The following MKNK1 variants were observed in gnomAD, a reference collection of about 807,000 sequenced individuals.
MKNK1 encodes the protein MAP kinase-interacting serine/threonine-protein kinase 1.
In MKNK1, 30 loss-of-function variants were observed where a neutral mutation model predicts 49.3. That is an observed-to-expected ratio of 0.61 (90% CI 0.46 to 0.83). The LOEUF (loss-of-function observed/expected upper bound fraction) is 0.83. MKNK1 is among the 40% of genes least tolerant of loss of function. The probability of loss-of-function intolerance (pLI) is 0.00; values close to 1 mark genes in which losing one functional copy is unlikely to be tolerated. For missense variants in MKNK1, 423 were observed against 524.7 expected, an observed-to-expected ratio of 0.81 and a Z score of 1.89; for synonymous variants, 176 against 201.7, an observed-to-expected ratio of 0.87 and a Z score of 1.08.
intron 2 of MKNK1, among the ~76,000 whole-genome samples, chr1:46,588,986 GC>G (rs1183860524): frequency 2.0e-5 from 3 of 152,210 alleles, no homozygotes; most frequent in Non-Finnish European, 4.4e-5. Flanking sequence ...TAAGCAGAAG[GC>G]CTGGGCTGCC....
intron 10 of MKNK1, 111 bp from the exon 11 acceptor site, chr1:46,561,753 T>C (rs748407213): frequency 4.5e-5 from 56 of 1,256,548 alleles, no homozygotes; most frequent in Non-Finnish European, 6.0e-5. Flanking sequence ...CTGCAGCTCA[T>C]GGCTTGGGGA....
chr1:46,568,591 G>T (rs761142642), intron 7 of MKNK1, 93 bp from the exon 8 acceptor site: 1 of 1,219,974 alleles, frequency 8.2e-7, no homozygotes, highest in Non-Finnish European at 1.2e-6. Context: ...GCTGTAGTTC[G>T]CAGATTAATT....
intron 2 of MKNK1, among the ~76,000 whole-genome samples, chr1:46,590,068 A>C (rs1442962881): frequency 6.6e-6 from 1 of 152,178 alleles, no homozygotes; most frequent in African/African-American, 2.4e-5. Flanking sequence ...CAGCCACAAG[A>C]GCTTTCTTGA....
At chr1:46,603,090 A>C (rs1230763811) in intron 1 of MKNK1, among the ~76,000 whole-genome samples, 1 of 152,212 alleles carries the variant, frequency 6.6e-6, no homozygotes, top group African/African-American at 2.4e-5. Context: ...GCAGATGGGC[A>C]GAGGGGGCAC....
chr1:46,581,384 C>A (rs149503414), intron 3 of MKNK1, among the ~76,000 whole-genome samples: 1 of 151,772 alleles, frequency 6.6e-6, no homozygotes, highest in Non-Finnish European at 1.5e-5. Context: ...GTGGCACGCG[C>A]CTAAAGTCCC....
chr1:46,561,695 T>C, intron 10 of MKNK1, 53 bp from the exon 11 acceptor site: 1 of 1,585,214 alleles, frequency 6.3e-7, no homozygotes. Flanking sequence ...GGGCAGGATG[T>C]GCCTGTCATT....
intron 4 of MKNK1, among the ~76,000 whole-genome samples, chr1:46,579,096 T>G (rs1376279324): frequency 6.6e-6 from 1 of 152,186 alleles, no homozygotes; most frequent in African/African-American, 2.4e-5. Flanking sequence ...AAAAATCACT[T>G]GTAATTTATA....
At chr1:46,580,881 A>T in intron 3 of MKNK1, among the ~76,000 whole-genome samples, 1 of 152,188 alleles carries the variant, frequency 6.6e-6, no homozygotes, top group East Asian at 1.9e-4. Context: ...AATTCGGCAC[A>T]TACTTCCTGA....
chr1:46,579,181 G>A (rs986188796), intron 4 of MKNK1, among the ~76,000 whole-genome samples: 3 of 152,228 alleles, frequency 2.0e-5, no homozygotes, highest in Admixed American at 2.0e-4. Context: ...TGAAAGGAAC[G>A]TGGCTTAGCA....
intron 7 of MKNK1, among the ~76,000 whole-genome samples, chr1:46,570,945 A>G (rs2148631640): frequency 6.6e-6 from 1 of 152,360 alleles, no homozygotes; most frequent in Admixed American, 6.5e-5. Context: ...CGATGATGTT[A>G]TTATCTCAAA....
chr1:46,590,789 T>C (rs1272553763), intron 2 of MKNK1, among the ~76,000 whole-genome samples: 2 of 152,244 alleles, frequency 1.3e-5, no homozygotes, highest in Non-Finnish European at 2.9e-5. Context: ...TCACTGTTAC[T>C]TAGGTGTGCA....
At chr1:46,571,534 CTT>C (rs1444165832) in intron 7 of MKNK1, 7 of 439,646 alleles carry the variant, frequency 1.6e-5, no homozygotes, top group Non-Finnish European at 3.2e-5. Flanking sequence ...CAGAGAGAGA[CTT>C]TGTCTAAAAA....
chr1:46,564,799 G>T (rs1668771810), intron 9 of MKNK1, among the ~76,000 whole-genome samples: 1 of 152,082 alleles, frequency 6.6e-6, no homozygotes, highest in Non-Finnish European at 1.5e-5. Flanking sequence ...GATATAATTT[G>T]TCTCTTCATC....
chr1:46,594,855 TG>T, intron 1 of MKNK1: 1 of 418,566 alleles, frequency 2.4e-6, no homozygotes, highest in Non-Finnish European at 4.7e-6. Context: ...TAGCCAGGCA[TG>T]GTGGCACACA....
intron 7 of MKNK1, chr1:46,569,319 C>T (rs947945637): frequency 3.9e-5 from 6 of 152,264 alleles, no homozygotes; most frequent in Admixed American, 2.6e-4. Context: ...AGGGGTTAAC[C>T]TGCTGACCTG....
Position 46,560,249 on chromosome 1 carries a change from G to T in MKNK1, c.998C>A (p.Pro333Gln). 1 of 1,614,114 alleles carries T rather than the reference G, an allele frequency of 6.2e-7. No individual in the cohort carries two copies. Among genetic ancestry groups the T allele is most frequent in the Non-Finnish European group, 8.5e-7 (1 of 1,180,012 alleles). Residue 333 changes from proline (P) to glutamine (Q), a missense_variant, in exon 12 of 13, where the codon CCG (proline) becomes CAG (glutamine). Pro to Gln is a moderately conservative substitution (Grantham distance 76). Transcript: ENST00000371945. ...GQAPEKGLPT[P>Q]QVLQRNSSTM... is the part of the protein sequence containing the mutation. ...GAGCATTTACCTCTGGAGGACTTGC[G>T]GCGTGGGGAGTCCCTTTTCTGGAGC...
In MKNK1 at chr1:46,561,575, G is replaced by A; in HGVS notation, c.872C>T (p.Ser291Phe). The change falls in exon 11 of 13, where the codon TCC becomes TTC. Residue 291 changes from serine to phenylalanine, a missense_variant. Coordinates refer to ENST00000371945, the MANE Select transcript of MKNK1 (RefSeq NM_001135553.4). ...GGAGATGAGGTCTTTGGCTTCACTG[G>A]AGATGTGTGCCCAGTCCTTGTCAGG... ...EFPDKDWAHI[S>F]SEAKDLISKL... The A allele has an allele frequency of 6.2e-7, 1 of 1,614,200 alleles. No individual in the cohort carries two copies. The highest frequency in any genetic ancestry group is 8.5e-7 in the Non-Finnish European group (1 of 1,180,024).
chr1:46,572,936 G>A (rs1670416400), intron 6 of MKNK1, among the ~76,000 whole-genome samples: 1 of 152,130 alleles, frequency 6.6e-6, no homozygotes, highest in Non-Finnish European at 1.5e-5. Context: ...GAAAAGGGGG[G>A]AAAAATGGGT....
chr1:46,568,297 A>C (rs1181834208), intron 8 of MKNK1, 146 bp downstream of exon 8: 1 of 705,786 alleles, frequency 1.4e-6, no homozygotes, highest in East Asian at 2.6e-5. Context: ...AACATCACAC[A>C]GTAAGTGTAA....
Sources: gnomAD v4.1 joint callset for allele counts (sites outside exome capture counted in the v4.1 genomes callset) on GRCh38, gnomAD v4.1.1 for gene constraint, MANE v1.5 for transcripts, NCBI Gene and HGNC (gene_info 2026-07-23, HGNC 2026-07-21) for gene names.